The following FBN2 variants were observed in gnomAD, a reference collection of about 807,000 sequenced individuals.
FBN2 encodes the protein fibrillin-2.
FBN2 carries 105 observed loss-of-function variants against 355.6 expected under a neutral mutation model. That is an observed-to-expected ratio of 0.30 (90% CI 0.25 to 0.35). The LOEUF is 0.35. FBN2 is among the 10% of genes least tolerant of loss of function. FBN2 has a pLI of 1.00. For synonymous variants in FBN2, 1,350 were observed against 1,301.2 expected (o/e 1.04, Z -0.81); for missense variants, 3,280 against 3,758.7 (o/e 0.87, Z 3.33).
chr5:128,318,897 T>C lies in FBN2; in HGVS notation c.4576A>G (p.Thr1526Ala). The change falls in exon 35 of 65, where the codon ACA (threonine) becomes GCA (alanine). Residue 1526 changes from threonine to alanine, a missense_variant. Thr to Ala is a moderately conservative substitution (Grantham distance 58). Transcript: ENST00000262464. ...ICDDGYELDRTGGNCTDIDEC... is the reference protein window; with the variant it reads ...ICDDGYELDRAGGNCTDIDEC... ...ACCATACCTGTACAGTTCCCTCCTG[T>C]TCTGTCCAATTCATAACCATCATCG... is the stretch of plus-strand genomic sequence containing the variant. 1.2e-6 allele frequency: 2 copies of C among 1,613,586 alleles called. No individual in the cohort carries two copies. The highest frequency in any genetic ancestry group is 1.1e-5 in the South Asian group (1 of 91,048).
intron 7 of FBN2, among the ~76,000 whole-genome samples, chr5:128,425,364 T>A (rs1010124179): frequency 2.0e-5 from 3 of 152,152 alleles, no homozygotes; most frequent in Non-Finnish European, 4.4e-5. Flanking sequence ...AAGACTCCCT[T>A]AATGTTGGGC....
chr5:128,537,286 C>G (rs1206262640), intron 1 of FBN2, 64 bp downstream of exon 1: 2 of 1,597,898 alleles, frequency 1.3e-6, no homozygotes, highest in Admixed American at 3.4e-5. Context: ...AGAAAGCCGC[C>G]AAACTGAGGA....
rs1001769997 is a variant in FBN2 at position 128,305,714 on chromosome 5, A to G, written c.5549-78T>C. The G allele has an allele frequency of 6.9e-6, 11 of 1,600,602 alleles. No homozygotes were observed. The African/African-American group carries it at 9.4e-5, about 14-fold the overall frequency. On this transcript the variant is annotated intron_variant, in intron 43 of 64. Coordinates refer to ENST00000262464, the MANE Select transcript of FBN2 (RefSeq NM_001999.4). Reference sequence around the variant, plus strand: ...ATTACATTCACGTCACACTTTGATGATCAACTCTTGAAAAATTGTAGAAGA... The same window carrying G: ...ATTACATTCACGTCACACTTTGATGGTCAACTCTTGAAAAATTGTAGAAGA...
rs72785131 is a variant in FBN2 at position 128,394,351 on chromosome 5, G to A, written c.1231+771C>T. Among the ~76,000 whole-genome samples the A allele has an allele frequency of 1.9e-3, 293 of 152,148 alleles. 1 individual carries two copies. Among genetic ancestry groups the A allele is most frequent in the Non-Finnish European group, 3.2e-3 (221 of 68,014 alleles). On this transcript the variant is annotated intron_variant, in intron 9 of 64. Coordinates refer to ENST00000262464, the MANE Select transcript of FBN2 (RefSeq NM_001999.4). ...TCATTAACCCTAATTTCCCAATATA[G>A]CATCATTTATATGGCAGTTACCACA...
At chr5:128,303,551 T>C (rs989362849) in intron 45 of FBN2, among the ~76,000 whole-genome samples, 2 of 152,170 alleles carry the variant, frequency 1.3e-5, no homozygotes, top group Non-Finnish European at 1.5e-5. Flanking sequence ...GAAATCCAAA[T>C]TGAGGTTTAT....
chr5:128,355,122 G>T (rs1384129751), intron 20 of FBN2, among the ~76,000 whole-genome samples: 3 of 152,136 alleles, frequency 2.0e-5, no homozygotes, highest in African/African-American at 7.2e-5. Context: ...GTTGTGCCTG[G>T]AAAGCCAAAA....
At chr5:128,515,560 C>T (rs1756260152) in intron 5 of FBN2, among the ~76,000 whole-genome samples, 1 of 152,044 alleles carries the variant, frequency 6.6e-6, no homozygotes, top group African/African-American at 2.4e-5. Context: ...CGCTTTTAGA[C>T]CTGGGTTCAC....
At chr5:128,532,668 G>A (rs1468296907) in intron 2 of FBN2, among the ~76,000 whole-genome samples, 1 of 152,198 alleles carries the variant, frequency 6.6e-6, no homozygotes, top group Non-Finnish European at 1.5e-5. Context: ...TCCTGCAGAA[G>A]TAAACTAACT....
rs1375614380 is a variant in FBN2, at chr5:128,464,900, A to G, written c.650T>C (p.Phe217Ser). 1 of 1,614,238 alleles carries G rather than the reference A, an allele frequency of 6.2e-7. No homozygotes were observed. The highest frequency in any genetic ancestry group is 1.3e-5 in the African/African-American group (1 of 75,060). Residue 217 changes from phenylalanine to serine, a missense_variant, in exon 6 of 65, where the codon TTC becomes TCC. Phe to Ser is a radical substitution (Grantham distance 155). Transcript: ENST00000262464. ...GCACATCTGGTTGTTGACCTGAGTGAAACACGGGCCTGTCCTGTAATCTGG... is the reference window on the plus strand; with the variant it reads ...GCACATCTGGTTGTTGACCTGAGTGGAACACGGGCCTGTCCTGTAATCTGG... ...CERDYRTGPCFTQVNNQMCQG... is the reference protein window; with the variant it reads ...CERDYRTGPCSTQVNNQMCQG...
chr5:128,368,624 T>TA (rs997581292), intron 16 of FBN2, among the ~76,000 whole-genome samples: 2 of 151,558 alleles, frequency 1.3e-5, no homozygotes, highest in Admixed American at 6.6e-5. Flanking sequence ...CATGTTCATG[T>TA]AAAAAAACCC....
At chr5:128,510,047 A>C (rs985514767) in intron 5 of FBN2, among the ~76,000 whole-genome samples, 6 of 152,180 alleles carry the variant, frequency 3.9e-5, no homozygotes, top group Non-Finnish European at 8.8e-5. Context: ...AGTTCTCTCT[A>C]TATATCTGTT....
Position 128,361,743 on chromosome 5 carries a change from G to T in FBN2, c.2534C>A (p.Thr845Asn), listed in dbSNP as rs1183323954. 6.2e-7 allele frequency: 1 copy of T among 1,614,146 alleles called. No individual in the cohort carries two copies. The highest frequency in any genetic ancestry group is 8.5e-7 in the Non-Finnish European group (1 of 1,180,000). Reference protein sequence around the residue: ...CTCPPGYVFRTETETCEDINE... With the variant: ...CTCPPGYVFRNETETCEDINE... Reference sequence around the variant, plus strand: ...CTTACCTTCACAGGTCTCTGTCTCAGTCCTGAACACATACCCTGGTGGGCA... The same window carrying T: ...CTTACCTTCACAGGTCTCTGTCTCATTCCTGAACACATACCCTGGTGGGCA... The change falls in exon 19 of 65, where the codon ACT becomes AAT. Residue 845 changes from threonine to asparagine, a missense_variant. This residue lies in a region of FBN2 where 2,284 missense variants were observed against 2,749.5 expected (regional missense o/e 0.83). Coordinates refer to ENST00000262464, the MANE Select transcript of FBN2 (RefSeq NM_001999.4).
chr5:128,472,049 G>T (rs573234668), intron 5 of FBN2, among the ~76,000 whole-genome samples: 2 of 152,300 alleles, frequency 1.3e-5, no homozygotes, highest in East Asian at 1.9e-4. Context: ...CACTTGAAGA[G>T]ATATTTATCT....
Position 128,328,676 on chromosome 5 carries a change from T to C in FBN2, c.4471+20A>G, listed in dbSNP as rs1196348621. 2 of 1,613,816 alleles carry C rather than the reference T, an allele frequency of 1.2e-6. No homozygotes were observed. Among genetic ancestry groups the C allele is most frequent in the South Asian group, 1.1e-5 (1 of 90,990 alleles). On this transcript the variant is annotated intron_variant, in intron 34 of 64. Transcript: ENST00000262464. Reference sequence around the variant, plus strand: ...GTGGTTGATCCAACTTGAAAATGAGTTGGAATCCTGGTGACCCACCTTGGC... The same window carrying C: ...GTGGTTGATCCAACTTGAAAATGAGCTGGAATCCTGGTGACCCACCTTGGC...
intron 19 of FBN2, among the ~76,000 whole-genome samples, chr5:128,357,618 A>G (rs1383950133): frequency 6.6e-6 from 1 of 152,224 alleles, no homozygotes; most frequent in African/African-American, 2.4e-5. Context: ...TGATCAGCCT[A>G]TTGGGAAAGA....
In FBN2 at chr5:128,338,129, G is replaced by C; in HGVS notation, c.3473-7C>G. 6.2e-7 allele frequency: 1 copy of C among 1,613,588 alleles called. No individual in the cohort carries two copies. The highest frequency in any genetic ancestry group is 8.5e-7 in the Non-Finnish European group (1 of 1,179,676). On this transcript the variant is annotated splice_region_variant and splice_polypyrimidine_tract_variant and intron_variant, in intron 26 of 64. Coordinates refer to ENST00000262464, the MANE Select transcript of FBN2 (RefSeq NM_001999.4). ...CGTTCACATTCGTCAATGTCTGAAA[G>C]GTAAAAACGTGAGATCCATTAAAGA...
rs199560824 is a variant in FBN2 at position 128,537,536 on chromosome 5, G to C, written c.68C>G (p.Ala23Gly). The change falls in exon 1 of 65, where the codon GCG becomes GGG. Residue 23 changes from alanine to glycine, a missense_variant. Around this residue, in one of 6 missense-constraint regions of FBN2, gnomAD observed 203 missense variants for 142.2 expected, o/e 1.43. Transcript: ENST00000262464. Reference sequence around the variant, plus strand: ...CTGAGGCTGGCCGGCCGTGCCCTGCGCCCAGAGCACCACACAGCCCAGCCA... The same window carrying C: ...CTGAGGCTGGCCGGCCGTGCCCTGCCCCCAGAGCACCACACAGCCCAGCCA... ...FLWLGCVVLW[A>G]QGTAGQPQPP... is the part of the protein sequence containing the mutation. The C allele has an allele frequency of 3.2e-4, 513 of 1,590,704 alleles. No individual in the cohort carries two copies. The highest frequency in any genetic ancestry group is 4.2e-4 in the Non-Finnish European group (494 of 1,171,292).
chr5:128,485,046 CA>C (rs1044459091), intron 5 of FBN2, among the ~76,000 whole-genome samples: 1 of 148,372 alleles, frequency 6.7e-6, no homozygotes, highest in Admixed American at 6.7e-5. Flanking sequence ...TTTTTTGAGA[CA>C]GGGTTTGGCT....
At chr5:128,421,087 A>G (rs770601525) in intron 7 of FBN2, among the ~76,000 whole-genome samples, 16 of 152,258 alleles carry the variant, frequency 1.1e-4, no homozygotes, top group Non-Finnish European at 1.8e-4. Context: ...GGCATGGATG[A>G]GAAATGGGCA....
Sources: allele counts gnomAD v4.1 joint callset (sites outside exome capture counted in the v4.1 genomes callset), GRCh38; gene constraint gnomAD v4.1.1; regional missense constraint gnomAD v4.1.1; transcripts MANE v1.5; gene names NCBI Gene and HGNC (gene_info 2026-07-23, HGNC 2026-07-21).